The following CNTNAP5 variants were observed in gnomAD, a reference collection of about 807,000 sequenced individuals.
CNTNAP5 encodes contactin-associated protein-like 5.
Under a neutral mutation model 150.2 loss-of-function variants are expected in CNTNAP5, and 72 were observed. That is an observed-to-expected ratio of 0.48 (90% confidence interval 0.40 to 0.58). CNTNAP5 has a LOEUF of 0.58. Ranked by LOEUF, CNTNAP5 falls within the 20% of genes least tolerant of loss-of-function variation. The probability of loss-of-function intolerance (pLI) is 0.00; values close to 1 mark genes in which losing one functional copy is unlikely to be tolerated. For synonymous variants in CNTNAP5, 672 were observed against 619.8 expected, an observed-to-expected ratio of 1.08 and a Z score of -1.25; for missense variants, 1,636 against 1,626.2, an observed-to-expected ratio of 1.01 and a Z score of -0.10.
intron 3 of CNTNAP5, among the ~76,000 whole-genome samples, chr2:124,370,205 G>C (rs1690487980): frequency 6.6e-6 from 1 of 152,124 alleles, no homozygotes; most frequent in African/African-American, 2.4e-5. Flanking sequence ...CAAAACTAAA[G>C]CTACGTACGT....
At chr2:124,831,430 G>T in intron 19 of CNTNAP5, among the ~76,000 whole-genome samples, 1 of 151,134 alleles carries the variant, frequency 6.6e-6, no homozygotes, top group African/African-American at 2.4e-5. Flanking sequence ...TTTCTATCTT[G>T]TTTCATGAAT....
intron 13 of CNTNAP5, among the ~76,000 whole-genome samples, chr2:124,744,213 G>T (rs549326737): frequency 6.6e-6 from 1 of 152,090 alleles, no homozygotes; most frequent in Admixed American, 6.5e-5. Flanking sequence ...TGTTCTCGTG[G>T]TAGTGAATAA....
At chr2:124,045,520 A>C (rs987682185) in intron 1 of CNTNAP5, among the ~76,000 whole-genome samples, 1 of 150,380 alleles carries the variant, frequency 6.6e-6, no homozygotes, top group Non-Finnish European at 1.5e-5. Flanking sequence ...CTGGTCTTGA[A>C]CTCCTGACCT....
chr2:124,560,309 A>G (rs1398536656), intron 10 of CNTNAP5, among the ~76,000 whole-genome samples: 4 of 152,100 alleles, frequency 2.6e-5, no homozygotes, highest in Non-Finnish European at 5.9e-5. Flanking sequence ...GGAGTTCCAG[A>G]CCAGACTGGC....
chr2:124,074,186 G>C (rs56202477), intron 1 of CNTNAP5, among the ~76,000 whole-genome samples: 15,184 of 152,034 alleles, frequency 0.1, 871 homozygotes, highest in East Asian at 0.29. Context: ...ATTATCAGAG[G>C]CTGGGAAGGG....
chr2:124,856,192 T>C (rs1252435480), intron 19 of CNTNAP5, among the ~76,000 whole-genome samples: 1 of 152,246 alleles, frequency 6.6e-6, no homozygotes, highest in South Asian at 2.1e-4. Flanking sequence ...AAAGAATATA[T>C]ACCTATACAC....
At position 124,279,493 on chromosome 2, in the gene CNTNAP5, C is replaced by T. The variant is rs1573887062; in HGVS notation, c.381+37100C>T. On this transcript the variant is annotated intron_variant, in intron 3 of 23. Coordinates refer to ENST00000682447, the MANE Select transcript of CNTNAP5 (RefSeq NM_001367498.1). ...GACTCTACACTATATGTACCAGACT[C>T]TGTGCTAAAGGCCCTCAAACTTCAT... Among the ~76,000 whole-genome samples the T allele has an allele frequency of 2.0e-5, 3 of 151,992 alleles. No individual in the cohort carries two copies. In the South Asian group the frequency reaches 6.2e-4, roughly 32 times the overall value.
At chr2:124,883,953 T>A (rs1344525708) in intron 21 of CNTNAP5, among the ~76,000 whole-genome samples, 1 of 149,540 alleles carries the variant, frequency 6.7e-6, no homozygotes, top group Non-Finnish European at 1.5e-5. Context: ...AATGTACATG[T>A]ACACATATGT....
intron 1 of CNTNAP5, among the ~76,000 whole-genome samples, chr2:124,123,755 G>A (rs556294345): frequency 8.5e-5 from 13 of 152,214 alleles, no homozygotes; most frequent in African/African-American, 2.6e-4. Context: ...CAATATTTGC[G>A]GTTCTGCAGC....
intron 1 of CNTNAP5, among the ~76,000 whole-genome samples, chr2:124,119,483 A>C (rs1683510314): frequency 6.6e-6 from 1 of 152,148 alleles, no homozygotes. Context: ...CTCACCAGTA[A>C]AAACAAAACA....
intron 19 of CNTNAP5, among the ~76,000 whole-genome samples, chr2:124,816,594 C>T (rs1558787309): frequency 6.6e-6 from 1 of 150,818 alleles, no homozygotes; most frequent in East Asian, 2.0e-4. Context: ...TCTTCTGCCT[C>T]AGCCTGCTGA....
chr2:124,889,597 G>C (rs566357947), intron 21 of CNTNAP5, among the ~76,000 whole-genome samples: 200 of 152,074 alleles, frequency 1.3e-3, no homozygotes, highest in African/African-American at 4.7e-3. Flanking sequence ...TTATGCTTTT[G>C]ATTTTAATGT....
chr2:124,889,840 G>A (rs371064355), intron 21 of CNTNAP5, among the ~76,000 whole-genome samples: 3 of 152,052 alleles, frequency 2.0e-5, no homozygotes, highest in East Asian at 3.9e-4. Flanking sequence ...TTTAAACCAA[G>A]ACAGTATTAT....
At chr2:124,294,618 G>A (rs1288963914) in intron 3 of CNTNAP5, among the ~76,000 whole-genome samples, 1 of 152,192 alleles carries the variant, frequency 6.6e-6, no homozygotes, top group African/African-American at 2.4e-5. Context: ...ATGGGTACAA[G>A]AAGGGAATGT....
intron 13 of CNTNAP5, among the ~76,000 whole-genome samples, chr2:124,734,278 G>A (rs547403605): frequency 1.3e-5 from 2 of 152,050 alleles, no homozygotes; most frequent in African/African-American, 4.8e-5. Flanking sequence ...GAGAGAGAAT[G>A]AAGAGAGGAA....
chr2:124,487,947 A>G (rs1011643988), intron 7 of CNTNAP5, among the ~76,000 whole-genome samples: 1 of 152,256 alleles, frequency 6.6e-6, no homozygotes, highest in African/African-American at 2.4e-5. Context: ...CATGATTCAT[A>G]AGAGTCCAGA....
chr2:124,050,030 A>G (rs1681649325), intron 1 of CNTNAP5, among the ~76,000 whole-genome samples: 2 of 152,078 alleles, frequency 1.3e-5, no homozygotes, highest in South Asian at 4.1e-4. Context: ...TAATAGTGTC[A>G]CCATGGGGAT....
chr2:124,129,539 G>A (rs1683795612), intron 1 of CNTNAP5, among the ~76,000 whole-genome samples: 1 of 152,098 alleles, frequency 6.6e-6, no homozygotes, highest in Admixed American at 6.6e-5. Context: ...ACTACAAGAA[G>A]ACAAAGGGCA....
chr2:124,854,192 G>C (rs1177556297), intron 19 of CNTNAP5, among the ~76,000 whole-genome samples: 2 of 152,118 alleles, frequency 1.3e-5, no homozygotes, highest in African/African-American at 4.8e-5. Flanking sequence ...CCGTAGCACT[G>C]ATCAAATCTT....
Sources: gnomAD v4.1 joint callset for allele counts (sites outside exome capture counted in the v4.1 genomes callset) on GRCh38, gnomAD v4.1.1 for gene constraint, MANE v1.5 for transcripts, NCBI Gene and HGNC (gene_info 2026-07-23, HGNC 2026-07-21) for gene names.